Variants in TLK1 observed in about 807,000 individuals in gnomAD.
The protein encoded by TLK1 is serine/threonine-protein kinase tousled-like 1.
In TLK1, 24 loss-of-function variants were observed where a neutral mutation model predicts 105.3. That is an observed-to-expected ratio of 0.23 (90% CI 0.17 to 0.32). TLK1 has a LOEUF of 0.32. Among genes scored for constraint, TLK1 ranks in the 10% least tolerant of loss-of-function variants. The pLI, the probability that TLK1 is intolerant of heterozygous loss-of-function variation, is 1.00. For synonymous variants in TLK1, 321 were observed against 310.4 expected (o/e 1.03, Z -0.36); for missense variants, 558 against 910.5 (o/e 0.61, Z 4.98).
chr2:171,117,887 C>T (rs1288648287), intron 1 of TLK1, 30 bp from the exon 2 acceptor site: 17 of 1,463,194 alleles, frequency 1.2e-5, no homozygotes, highest in South Asian at 8.3e-5. Flanking sequence ...TATATGTACA[C>T]ATATATATGT....
At chr2:171,143,091 C>T (rs552487341) in intron 1 of TLK1, among the ~76,000 whole-genome samples, 23 of 152,024 alleles carry the variant, frequency 1.5e-4, no homozygotes, top group Middle Eastern at 3.4e-3. Context: ...AAATGAATGA[C>T]TGAATGAAGG....
At chr2:171,148,098 G>A (rs1691865372) in intron 1 of TLK1, among the ~76,000 whole-genome samples, 1 of 152,104 alleles carries the variant, frequency 6.6e-6, no homozygotes, top group Non-Finnish European at 1.5e-5. Context: ...CACCGTGTTA[G>A]CCTGGATGGT....
Position 171,191,405 on chromosome 2 carries a change from C to A in TLK1, c.-6+39740G>T, listed in dbSNP as rs563994899. Among the ~76,000 whole-genome samples the A allele has an allele frequency of 7.9e-5, 12 of 152,036 alleles. No homozygotes were observed. In the East Asian group the frequency reaches 1.5e-3, roughly 20 times the overall value. On this transcript the variant is annotated intron_variant, in intron 1 of 20. Coordinates refer to the TLK1 transcript ENST00000521943. ...GCAACATGGTGAGACCCACCACCCC[C>A]CCCTCTAAAAAAATGAAAATAAAGT...
chr2:171,139,847 G>A (rs927767061), intron 1 of TLK1, among the ~76,000 whole-genome samples: 1 of 152,058 alleles, frequency 6.6e-6, no homozygotes, highest in African/African-American at 2.4e-5. Flanking sequence ...AGTGGAGATG[G>A]TTTCAGATGA....
At chr2:171,094,476 T>C (rs1689370840) in intron 2 of TLK1, among the ~76,000 whole-genome samples, 1 of 152,024 alleles carries the variant, frequency 6.6e-6, no homozygotes, top group Non-Finnish European at 1.5e-5. Context: ...AAAAATAGTA[T>C]CTATAAACTA....
intron 2 of TLK1, among the ~76,000 whole-genome samples, chr2:171,112,009 T>A (rs998681442): frequency 6.6e-6 from 1 of 152,220 alleles, no homozygotes; most frequent in Admixed American, 6.5e-5. Flanking sequence ...TGGAGTGCAG[T>A]GGCATGACCC....
intron 1 of TLK1, among the ~76,000 whole-genome samples, chr2:171,182,565 C>A (rs1692945184): frequency 6.6e-6 from 1 of 152,040 alleles, no homozygotes; most frequent in Admixed American, 6.6e-5. Context: ...GGGTGGGAGA[C>A]TAGAGAGACA....
chr2:171,067,040 C>T (rs536903000), intron 3 of TLK1: 5 of 1,444,380 alleles, frequency 3.5e-6, no homozygotes, highest in East Asian at 5.0e-5. Context: ...GAGTAACATA[C>T]TCCTGTATCA....
chr2:171,199,265 C>A (rs1336194263), intron 1 of TLK1, among the ~76,000 whole-genome samples: 1 of 152,192 alleles, frequency 6.6e-6, no homozygotes, highest in Admixed American at 6.5e-5. Context: ...AATCCCAGCA[C>A]TTTGCAAGGC....
chr2:171,142,815 A>T (rs917024705), intron 1 of TLK1, among the ~76,000 whole-genome samples: 1 of 152,230 alleles, frequency 6.6e-6, no homozygotes, highest in South Asian at 2.1e-4. Context: ...GTACACAAGG[A>T]ATGTTTACCC....
chr2:171,045,485 G>C (rs1305066712), intron 11 of TLK1: 2 of 145,208 alleles, frequency 1.4e-5, no homozygotes, highest in African/African-American at 5.1e-5. Context: ...AAAGTGCTGG[G>C]ATTACAGGCA....
intron 18 of TLK1, among the ~76,000 whole-genome samples, chr2:171,001,703 G>T (rs2676149): frequency 0.99 from 150,998 of 152,348 alleles, 74,838 homozygotes; most frequent in East Asian, 1. Flanking sequence ...TTTTCCAGAA[G>T]AGGGCACTTC....
chr2:171,050,160 G>T lies in TLK1; in HGVS notation c.747C>A (p.Leu249=). 6.3e-7 allele frequency: 1 copy of T among 1,596,476 alleles called. No individual in the cohort carries two copies. The highest frequency in any genetic ancestry group is 1.1e-5 in the South Asian group (1 of 89,530). ...TTTGTTGTTCATCTATTTGCCGTCTGAGATCACAGTTAGCCTATGACATAA... is the reference window on the plus strand; with the variant it reads ...TTTGTTGTTCATCTATTTGCCGTCTTAGATCACAGTTAGCCTATGACATAA... ...IDDLLRANCD[L]RRQIDEQQKL... is the part of the protein sequence containing the mutation. Residue 249 remains leucine (L), a synonymous_variant, in exon 9 of 21, where the codon CTC becomes CTA. Coordinates refer to ENST00000431350, the MANE Select transcript of TLK1 (RefSeq NM_012290.5).
At chr2:171,117,610 T>C (rs760822937) in intron 2 of TLK1, 129 bp downstream of exon 2, 3 of 707,424 alleles carry the variant, frequency 4.2e-6, no homozygotes, top group Admixed American at 5.1e-5. Context: ...TTATGAACAC[T>C]GATCTTATTC....
chr2:171,061,061 G>A lies in TLK1; in HGVS notation c.406+20C>T, dbSNP rs746756319. 3 of 1,608,690 alleles carry A rather than the reference G, an allele frequency of 1.9e-6. No individual in the cohort carries two copies. The highest frequency in any genetic ancestry group is 1.7e-4 in the Middle Eastern group (1 of 6,040). The stretch of plus-strand genomic sequence containing the variant: ...TTTTAAGTGTCCACTAGGCTCTGAA[G>A]GAAGATGTTATGTGCTTACCCTGAC... On this transcript the variant is annotated intron_variant, in intron 4 of 20. Transcript: ENST00000431350.
rs201751767 is a variant in TLK1, at chr2:171,135,319, G to GTATATATATATA, written c.140-17474_140-17463dup. Among the ~76,000 whole-genome samples, 11 of 70,314 alleles carry GTATATATATATA rather than the reference G, an allele frequency of 1.6e-4. No individual in the cohort carries two copies. The South Asian group carries it at 1.7e-3, about 11-fold the overall frequency. 46.1% of individuals were successfully genotyped at this position (70,314 alleles called of 152,430 possible). On this transcript the variant is annotated intron_variant, in intron 1 of 20. Transcript: ENST00000431350. ...TGTGTGTGTTTGTGTGTGTGTGTGTGTATATATATATATATATATATATAT... is the reference window on the plus strand; with the variant it reads ...TGTGTGTGTTTGTGTGTGTGTGTGTGTATATATATATATATATATATATATATATATATATAT...
chr2:171,197,809 A>G (rs1693303941), intron 1 of TLK1, among the ~76,000 whole-genome samples: 1 of 151,990 alleles, frequency 6.6e-6, no homozygotes, highest in Admixed American at 6.6e-5. Flanking sequence ...AAAAAACAAT[A>G]AAGAATCACT....
At chr2:171,056,203 C>G (rs1457814922) in intron 6 of TLK1, among the ~76,000 whole-genome samples, 1 of 152,008 alleles carries the variant, frequency 6.6e-6, no homozygotes, top group Non-Finnish European at 1.5e-5. Context: ...GTCCCACAGA[C>G]TCAACAGGCA....
intron 1 of TLK1, among the ~76,000 whole-genome samples, chr2:171,185,029 T>C (rs75551846): frequency 0.045 from 6,892 of 152,204 alleles, 457 homozygotes; most frequent in East Asian, 0.29. Context: ...TTAGTAGAGA[T>C]GGGATTTCAC....
Sources: allele counts gnomAD v4.1 joint callset (sites outside exome capture counted in the v4.1 genomes callset), GRCh38; gene constraint gnomAD v4.1.1; transcripts MANE v1.5; gene names NCBI Gene and HGNC (gene_info 2026-07-23, HGNC 2026-07-21).